The following CASTOR2 variants were observed in gnomAD, a reference collection of about 807,000 sequenced individuals.
The protein encoded by CASTOR2 is GATS protein like 2.
CASTOR2 carries 8 observed loss-of-function variants against 31.2 expected under a neutral mutation model. That is an observed-to-expected ratio of 0.26 (90% confidence interval 0.15 to 0.46). CASTOR2 has a LOEUF of 0.46. CASTOR2 is among the 20% of genes least tolerant of loss of function. The pLI is 0.99. For synonymous variants in CASTOR2, 162 were observed against 158.7 expected (o/e 1.02, Z -0.16); for missense variants, 216 against 382.1 (o/e 0.57, Z 3.62).
chr7:74,977,176 C>A, intron 1 of CASTOR2, among the ~76,000 whole-genome samples: 1 of 130,674 alleles, frequency 7.7e-6, no homozygotes. Context: ...AAGAGTGAAA[C>A]TCCATCTCAA....
chr7:75,023,316 A>G (rs1805049749), intron 7 of CASTOR2, among the ~76,000 whole-genome samples: 2 of 149,706 alleles, frequency 1.3e-5, no homozygotes, highest in Non-Finnish European at 3.0e-5. Context: ...TCAAAAAAAG[A>G]AAAAAAAAAG....
At chr7:75,005,246 C>G (rs1192410674) in intron 1 of CASTOR2, among the ~76,000 whole-genome samples, 2 of 152,180 alleles carry the variant, frequency 1.3e-5, no homozygotes, top group African/African-American at 4.8e-5. Flanking sequence ...CCCAGTGCCC[C>G]TCTCTAGTCA....
At chr7:74,975,312 T>A (rs1332775546) in intron 1 of CASTOR2, among the ~76,000 whole-genome samples, 3 of 150,694 alleles carry the variant, frequency 2.0e-5, no homozygotes, top group Non-Finnish European at 4.4e-5. Context: ...GGTCTCACTC[T>A]GTTGTCCACG....
rs4029904 is a variant in CASTOR2, at chr7:74,975,213, C to G, written c.113+10115C>G. Among the ~76,000 whole-genome samples, 66 of 151,504 alleles carry G rather than the reference C, an allele frequency of 4.4e-4. 1 individual carries two copies. The highest frequency in any genetic ancestry group is 3.4e-3 in the Middle Eastern group (1 of 294). ...GAACTCCTGACCTCAAGTGATCTGC[C>G]CGCCTTGGCCTCCCAACGTGCTGGG... On this transcript the variant is annotated intron_variant, in intron 1 of 8. Transcript: ENST00000616305.
intron 1 of CASTOR2, among the ~76,000 whole-genome samples, chr7:74,990,349 C>T (rs1804176950): frequency 6.7e-6 from 1 of 150,030 alleles, no homozygotes; most frequent in Non-Finnish European, 1.5e-5. Flanking sequence ...GATTGCGCCA[C>T]TGCACTCCAG....
intron 1 of CASTOR2, among the ~76,000 whole-genome samples, chr7:74,998,226 C>T (rs2131937500): frequency 6.6e-6 from 1 of 152,304 alleles, no homozygotes; most frequent in East Asian, 1.9e-4. Context: ...ATTAAGGTCA[C>T]ACTGATTACA....
At chr7:74,998,075 G>T (rs1425679131) in intron 1 of CASTOR2, among the ~76,000 whole-genome samples, 1 of 152,090 alleles carries the variant, frequency 6.6e-6, no homozygotes. Context: ...TATGCTACAA[G>T]TCCCCCCTGC....
intron 1 of CASTOR2, among the ~76,000 whole-genome samples, chr7:75,001,356 A>G (rs1489244882): frequency 1.3e-5 from 2 of 152,094 alleles, no homozygotes; most frequent in Admixed American, 6.5e-5. Context: ...GAGATTACAG[A>G]TGTGAGCCAC....
chr7:75,017,947 C>G, intron 3 of CASTOR2, 43 bp from the exon 4 acceptor site: 10 of 1,614,052 alleles, frequency 6.2e-6, no homozygotes, highest in Non-Finnish European at 8.5e-6. Flanking sequence ...CCCACATCCC[C>G]CAGGGCCACC....
At chr7:74,998,007 C>G (rs1804393036) in intron 1 of CASTOR2, among the ~76,000 whole-genome samples, 1 of 151,998 alleles carries the variant, frequency 6.6e-6, no homozygotes, top group Non-Finnish European at 1.5e-5. Flanking sequence ...TCTGTGTCTC[C>G]CGTTACATAT....
chr7:74,980,749 T>C (rs1803929350), intron 1 of CASTOR2, among the ~76,000 whole-genome samples: 1 of 122,510 alleles, frequency 8.2e-6, no homozygotes, highest in Non-Finnish European at 1.6e-5. Flanking sequence ...TTGTTTCAGA[T>C]TGGCTGAGCT....
intron 1 of CASTOR2, among the ~76,000 whole-genome samples, chr7:75,002,944 T>C (rs1804529074): frequency 2.0e-5 from 3 of 151,906 alleles, no homozygotes; most frequent in Admixed American, 1.3e-4. Flanking sequence ...AAAAATTAGC[T>C]GGGTGTGGTG....
Position 75,021,307 on chromosome 7 carries a change from C to T in CASTOR2, c.747-567C>T, listed in dbSNP as rs949979461. ...GCACCTGGCCAATTTTTGTATTTTT[C>T]GTAGAGATGGGGCTTCGCCATGCTG... On this transcript the variant is annotated intron_variant, in intron 6 of 8. Transcript: ENST00000616305. 1.7e-3 allele frequency among the ~76,000 whole-genome samples: 258 copies of T among 152,062 alleles called. 3 individuals carry two copies. Among genetic ancestry groups the T allele is most frequent in the African/African-American group, 5.0e-3 (208 of 41,524 alleles).
chr7:74,991,074 G>GGA (rs1221307606), intron 1 of CASTOR2, among the ~76,000 whole-genome samples: 1 of 136,570 alleles, frequency 7.3e-6, no homozygotes, highest in Non-Finnish European at 1.5e-5. Flanking sequence ...ACCCTGTCTG[G>GGA]AAAAAAAAAA....
At chr7:75,021,193 T>C (rs1804993237) in intron 6 of CASTOR2, among the ~76,000 whole-genome samples, 1 of 152,032 alleles carries the variant, frequency 6.6e-6, no homozygotes, top group Non-Finnish European at 1.5e-5. Context: ...GGTTTTGCCA[T>C]GTTGGCCAGG....
Position 75,025,461 on chromosome 7 carries a change from G to A in CASTOR2, c.*762G>A, listed in dbSNP as rs1008030136. 2.0e-5 allele frequency among the ~76,000 whole-genome samples: 3 copies of A among 152,292 alleles called. No individual in the cohort carries two copies. Among genetic ancestry groups the A allele is most frequent in the East Asian group, 1.9e-4 (1 of 5,164 alleles). Reference sequence around the variant, plus strand: ...CTGGAGCACCAGCTCCTGTCCCCTCGGCTCTCCCTGGACCCGACTTGGGCA... The same window carrying A: ...CTGGAGCACCAGCTCCTGTCCCCTCAGCTCTCCCTGGACCCGACTTGGGCA... On this transcript the variant is annotated 3_prime_UTR_variant, in exon 9 of 9. Coordinates refer to ENST00000616305, the MANE Select transcript of CASTOR2 (RefSeq NM_001145064.3).
intron 2 of CASTOR2, among the ~76,000 whole-genome samples, chr7:75,014,411 TA>T (rs1563062985): frequency 2.6e-5 from 1 of 37,986 alleles, no homozygotes; most frequent in African/African-American, 1.7e-4. Flanking sequence ...CCTTCTCTAC[TA>T]AAAATACAAA....
intron 1 of CASTOR2, among the ~76,000 whole-genome samples, chr7:74,994,374 G>C (rs1398578713): frequency 6.6e-6 from 1 of 152,300 alleles, no homozygotes; most frequent in African/African-American, 2.4e-5. Flanking sequence ...TCATCTATAG[G>C]GTGGTGGCTC....
chr7:74,990,259 T>G (rs1410845681), intron 1 of CASTOR2, among the ~76,000 whole-genome samples: 2 of 151,754 alleles, frequency 1.3e-5, no homozygotes, highest in Non-Finnish European at 2.9e-5. Context: ...ATGGTAGTGG[T>G]TGCCTGTAGT....
Sources: gnomAD v4.1 joint callset for allele counts (sites outside exome capture counted in the v4.1 genomes callset) on GRCh38, gnomAD v4.1.1 for gene constraint, MANE v1.5 for transcripts, NCBI Gene and HGNC (gene_info 2026-07-23, HGNC 2026-07-21) for gene names.